GCNT1: variants seen among roughly 807,000 people sequenced by gnomAD.
GCNT1 encodes beta-1,3-galactosyl-O-glycosyl-glycoprotein beta-1,6-N-acetylglucosaminyltransferase.
In GCNT1, 16 loss-of-function variants were observed where a neutral mutation model predicts 26.2. The observed-to-expected ratio is 0.61, with a 90% CI of 0.41 to 0.93. The LOEUF (loss-of-function observed/expected upper bound fraction) is 0.93. Among genes scored for constraint, GCNT1 ranks in the 40% least tolerant of loss-of-function variants. The pLI, the probability that GCNT1 is intolerant of heterozygous loss-of-function variation, is 0.00. For synonymous variants in GCNT1, 183 were observed against 190.8 expected, an observed-to-expected ratio of 0.96 and a Z score of 0.34; for missense variants, 477 against 526.7, an observed-to-expected ratio of 0.91 and a Z score of 0.92.
At chr9:76,457,117 A>C (rs1231315859), upstream of GCNT1, among the ~76,000 whole-genome samples, 3 of 152,214 alleles carry the variant, frequency 2.0e-5, no homozygotes, top group African/African-American at 7.2e-5. Flanking sequence ...TGTAGAGGTG[A>C]GGTCTGGCTA....
At chr9:76,484,107 A>G (rs920346510) in intron 2 of GCNT1, among the ~76,000 whole-genome samples, 1 of 152,232 alleles carries the variant, frequency 6.6e-6, no homozygotes, top group Non-Finnish European at 1.5e-5. Flanking sequence ...GAGGCTGGAC[A>G]TGGTGGCTCA....
At chr9:76,491,718 C>T (rs1430759634) in intron 2 of GCNT1, among the ~76,000 whole-genome samples, 1 of 152,080 alleles carries the variant, frequency 6.6e-6, no homozygotes, top group Non-Finnish European at 1.5e-5. Context: ...CTAAGAGATC[C>T]TCTTGGGCAG....
Position 76,461,844 on chromosome 9 carries a change from G to A in GCNT1, c.-290+1667G>A, listed in dbSNP as rs564364447. Among the ~76,000 whole-genome samples, 89 of 152,296 alleles carry A rather than the reference G, an allele frequency of 5.8e-4. 2 individuals carry two copies. The highest frequency in any genetic ancestry group is 5.4e-3 in the Admixed American group (82 of 15,294). On this transcript the variant is annotated intron_variant, in intron 2 of 3. Coordinates refer to ENST00000376730, the MANE Select transcript of GCNT1 (RefSeq NM_001490.5). ...GCGGAGGTTAGGATGAGCAGGGATC[G>A]TGCCACTGCACTCAAGCCTGGACGA...
At chr9:76,434,385 A>G (rs1823378579) in intron 1 of GCNT1, among the ~76,000 whole-genome samples, 1 of 152,236 alleles carries the variant, frequency 6.6e-6, no homozygotes, top group Admixed American at 6.5e-5. Context: ...GAGCCATGGC[A>G]GAGGAACATA....
intron 2 of GCNT1, among the ~76,000 whole-genome samples, chr9:76,460,486 G>A (rs1304368138): frequency 6.6e-6 from 1 of 152,176 alleles, no homozygotes. Context: ...GTTTTATAGA[G>A]GGGAGGAGGA....
intron 1 of GCNT1, among the ~76,000 whole-genome samples, chr9:76,435,015 A>G (rs1170170645): frequency 6.6e-6 from 1 of 152,194 alleles, no homozygotes; most frequent in African/African-American, 2.4e-5. Context: ...GTTTATCAAG[A>G]CAATACGTGC....
At chr9:76,396,251 T>C in the GCNT1 span, among the ~76,000 whole-genome samples, 2 of 152,188 alleles carry the variant, frequency 1.3e-5, no homozygotes, top group African/African-American at 4.8e-5. Context: ...TCACACTGTC[T>C]CATGTAATCC....
intron 2 of GCNT1, among the ~76,000 whole-genome samples, chr9:76,484,070 G>T (rs1469786078): frequency 6.6e-6 from 1 of 152,146 alleles, no homozygotes; most frequent in Non-Finnish European, 1.5e-5. Flanking sequence ...ATATCTATTG[G>T]TATATATTCT....
At chr9:76,403,668 G>A in the GCNT1 span, among the ~76,000 whole-genome samples, 1 of 152,154 alleles carries the variant, frequency 6.6e-6, no homozygotes, top group Admixed American at 6.5e-5. Flanking sequence ...GTTCTTTGGT[G>A]AAGCATGGCT....
intron 2 of GCNT1, among the ~76,000 whole-genome samples, chr9:76,486,167 C>T (rs117218177): frequency 1.3e-3 from 199 of 152,304 alleles, no homozygotes; most frequent in Non-Finnish European, 2.3e-3. Context: ...CCTCAGTTTC[C>T]TTATCTGGAA....
chr9:76,464,013 T>G (rs966050333), intron 2 of GCNT1, among the ~76,000 whole-genome samples: 1 of 150,130 alleles, frequency 6.7e-6, no homozygotes, highest in African/African-American at 2.5e-5. Context: ...CAGGTCAACA[T>G]AGCGAGACTC....
intron 1 of GCNT1, among the ~76,000 whole-genome samples, chr9:76,429,154 C>A (rs1413055141): frequency 6.6e-6 from 1 of 152,180 alleles, no homozygotes; most frequent in Non-Finnish European, 1.5e-5. Flanking sequence ...CTAATTGTGA[C>A]ATAATGTTCC....
upstream of GCNT1, among the ~76,000 whole-genome samples, chr9:76,457,002 T>C (rs141593352): frequency 1.5e-3 from 233 of 152,274 alleles, no homozygotes; most frequent in African/African-American, 5.3e-3. Flanking sequence ...ATTACACTTA[T>C]GGTATACAGG....
the GCNT1 span, among the ~76,000 whole-genome samples, chr9:76,408,433 T>C: frequency 3.3e-5 from 5 of 152,170 alleles, no homozygotes; most frequent in African/African-American, 1.2e-4. Context: ...TTTTCAAACA[T>C]TGAACCAGGC....
rs746597168 is a variant in GCNT1, at chr9:76,502,735, G to A, written c.354G>A (p.Glu118=). Residue 118 remains glutamate, a synonymous_variant, in exon 4 of 4, where the codon GAG becomes GAA. Transcript: ENST00000376730. The part of the protein sequence containing the change: ...KYIVEPLSKE[E]AEFPIAYSIV... ...TTGTAGAACCCCTTAGTAAAGAAGA[G>A]GCGGAGTTTCCAATAGCATATTCTA... is the stretch of plus-strand genomic sequence containing the variant. 12 of 1,614,034 alleles carry A rather than the reference G, an allele frequency of 7.4e-6. No homozygotes were observed. In the Admixed American group the frequency reaches 1.5e-4, roughly 20 times the overall value.
At chr9:76,399,681 C>T in the GCNT1 span, 1 of 746,388 alleles carries the variant, frequency 1.3e-6, no homozygotes, top group Non-Finnish European at 2.2e-6. Context: ...TTTGTTTTTA[C>T]CCCAATCCAT....
chr9:76,497,855 T>G (rs1285511402), intron 2 of GCNT1, among the ~76,000 whole-genome samples: 1 of 152,182 alleles, frequency 6.6e-6, no homozygotes, highest in African/African-American at 2.4e-5. Flanking sequence ...TAATAATAGC[T>G]TTATTGAATA....
At chr9:76,424,940 C>A (rs964627292) in intron 1 of GCNT1, among the ~76,000 whole-genome samples, 1 of 151,968 alleles carries the variant, frequency 6.6e-6, no homozygotes. Context: ...GAGATTGAGA[C>A]CATCCTGGCT....
chr9:76,457,553 C>G (rs924833774), upstream of GCNT1, among the ~76,000 whole-genome samples: 1 of 152,128 alleles, frequency 6.6e-6, no homozygotes, highest in Non-Finnish European at 1.5e-5. Flanking sequence ...CCAGCCCCGG[C>G]TATACTTTAA....
Sources: gnomAD v4.1 joint callset for allele counts (sites outside exome capture counted in the v4.1 genomes callset) on GRCh38, gnomAD v4.1.1 for gene constraint, MANE v1.5 for transcripts, NCBI Gene and HGNC (gene_info 2026-07-23, HGNC 2026-07-21) for gene names.